FSCN2: variants seen among roughly 807,000 people sequenced by gnomAD.
FSCN2 encodes the protein fascin-2.
Under a neutral mutation model 37.8 loss-of-function variants are expected in FSCN2, and 46 were observed. The ratio of observed to expected loss-of-function variants is 1.22; its 90% CI spans 0.96 to 1.56. The LOEUF is 1.56. Among genes scored for constraint, FSCN2 ranks in the 40% most tolerant of loss-of-function variants. The pLI is 0.00. For missense variants in FSCN2, 844 were observed against 730.4 expected (o/e 1.16, Z -1.79); for synonymous variants, 351 against 309.4 (o/e 1.13, Z -1.41).
Position 81,537,032 on chromosome 17 carries a change from G to A in FSCN2, c.1431G>A (p.Leu477=). The change falls in exon 5 of 5, where the codon CTG becomes CTA. Residue 477 remains leucine, a synonymous_variant. Coordinates refer to ENST00000417245, the MANE Select transcript of FSCN2 (RefSeq NM_012418.4). ...KYLRGGASGL[L]RADADAPAGT... The stretch of plus-strand genomic sequence containing the variant: ...TGCGCGGCGGCGCCTCGGGCCTGCT[G>A]CGGGCCGATGCCGACGCCCCGGCCG... The A allele has an allele frequency of 1.3e-6, 2 of 1,483,188 alleles. No individual in the cohort carries two copies. The highest frequency in any genetic ancestry group is 1.8e-6 in the Non-Finnish European group (2 of 1,124,200). The allele number at this position is 1,483,188 out of a possible 1,614,324, so 91.9% of individuals were successfully genotyped here.
chr17:81,526,599 G>C (rs782451333), upstream of FSCN2, among the ~76,000 whole-genome samples: 1 of 152,220 alleles, frequency 6.6e-6, no homozygotes, highest in Non-Finnish European at 1.5e-5. Context: ...ACTCCAGTTT[G>C]GGTGAGGAGC....
At chr17:81,530,247 C>T (rs1269110808) in intron 1 of FSCN2, 1 of 278,830 alleles carries the variant, frequency 3.6e-6, no homozygotes, top group Admixed American at 5.5e-5. Flanking sequence ...TTAAGGTCAG[C>T]TCCAGTGATG....
chr17:81,536,301 G>C (rs773034533), intron 3 of FSCN2, 34 bp downstream of exon 3: 1 of 1,576,844 alleles, frequency 6.3e-7, no homozygotes, highest in Admixed American at 1.8e-5. Flanking sequence ...CTGGGGCAGG[G>C]GCTGTCTCCA....
At chr17:81,525,425 C>CAAAAAAA (rs1202765459), upstream of FSCN2, among the ~76,000 whole-genome samples, 203 of 47,870 alleles carry the variant, frequency 4.2e-3, 11 homozygotes, top group Non-Finnish European at 6.4e-3. Flanking sequence ...GACTCTGTCT[C>CAAAAAAA]AAAAAAAAAA....
At chr17:81,520,671 G>C in the FSCN2 span, among the ~76,000 whole-genome samples, 1 of 152,210 alleles carries the variant, frequency 6.6e-6, no homozygotes, top group African/African-American at 2.4e-5. Flanking sequence ...TCTCTTGCTG[G>C]CACTGCTGCT....
Position 81,535,072 on chromosome 17 carries a change from C to A in FSCN2, c.847C>A (p.Gln283Lys), listed in dbSNP as rs2032803171. Reference protein sequence around the residue: ...VRQGVNVSANQDDELDHETFL... With the variant: ...VRQGVNVSANKDDELDHETFL... ...TCCAGGGGTCAACGTCTCAGCCAAT[C>A]AGGATGATGAACTAGACCACGAGAC... The change falls in exon 2 of 5, where the codon CAG becomes AAG. Residue 283 changes from glutamine to lysine, a missense_variant. Coordinates refer to ENST00000417245, the MANE Select transcript of FSCN2 (RefSeq NM_012418.4). 1.3e-6 allele frequency: 2 copies of A among 1,532,810 alleles called. No individual in the cohort carries two copies. The highest frequency in any genetic ancestry group is 1.4e-5 in the African/African-American group (1 of 72,970). 95.0% of individuals were successfully genotyped at this position (1,532,810 alleles called of 1,614,324 possible). A position where few individuals can be genotyped will look rare whatever the true frequency, so the allele number is the denominator to read the frequency against.
chr17:81,527,980 C>T (rs369560663), upstream of FSCN2, among the ~76,000 whole-genome samples: 1 of 152,120 alleles, frequency 6.6e-6, no homozygotes, highest in Admixed American at 6.5e-5. Flanking sequence ...GAGGGCCTGG[C>T]GGCCACCGAG....
In FSCN2 at chr17:81,537,093, AC is replaced by A; in HGVS notation, c.*15del. On this transcript the variant is annotated 3_prime_UTR_variant, in exon 5 of 5. Transcript: ENST00000417245. Reference sequence around the variant, plus strand: ...TTGGGAGTACTGAGGCCGCGCCCAGACCAGCCTGTCGCGCATTAAAACCGTG... The same window carrying A: ...TTGGGAGTACTGAGGCCGCGCCCAGACAGCCTGTCGCGCATTAAAACCGTG... 7.1e-7 allele frequency: 1 copy of A among 1,413,526 alleles called. No individual in the cohort carries two copies. Among genetic ancestry groups the A allele is most frequent in the East Asian group, 3.0e-5 (1 of 33,690 alleles). 87.6% of individuals were successfully genotyped at this position (1,413,526 alleles called of 1,614,324 possible).
the FSCN2 span, among the ~76,000 whole-genome samples, chr17:81,521,962 C>T: frequency 6.6e-6 from 1 of 152,182 alleles, no homozygotes; most frequent in African/African-American, 2.4e-5. Context: ...AGTGTGTTTT[C>T]CTCATCTAAT....
upstream of FSCN2, among the ~76,000 whole-genome samples, chr17:81,528,054 G>A (rs1002307280): frequency 6.6e-5 from 10 of 151,920 alleles, no homozygotes; most frequent in Non-Finnish European, 1.2e-4. Flanking sequence ...TTCTACATCC[G>A]GAAGGGCTGG....
the FSCN2 span, among the ~76,000 whole-genome samples, chr17:81,516,657 G>A: frequency 6.6e-6 from 1 of 152,214 alleles, no homozygotes; most frequent in African/African-American, 2.4e-5. Context: ...AAGGGACAAG[G>A]CCAGGGTCCC....
rs767826388 is a variant in FSCN2 at position 81,536,641 on chromosome 17, C to T, written c.1125C>T (p.Thr375=). The T allele has an allele frequency of 3.7e-6, 6 of 1,610,586 alleles. No homozygotes were observed. Among genetic ancestry groups the T allele is most frequent in the South Asian group, 1.1e-5 (1 of 91,012 alleles). ...CGCCAGGCAAGGACGAAGAGTTCACCCTCAAGCTCATCAACCGGCCCATCC... is the reference window on the plus strand; with the variant it reads ...CGCCAGGCAAGGACGAAGAGTTCACTCTCAAGCTCATCAACCGGCCCATCC... ...SDFVGKDEEF[T]LKLINRPILV... The change falls in exon 4 of 5, where the codon ACC becomes ACT. Residue 375 remains threonine (T), a synonymous_variant. Coordinates refer to ENST00000417245, the MANE Select transcript of FSCN2 (RefSeq NM_012418.4).
chr17:81,531,560 G>A (rs1311083855), intron 1 of FSCN2, among the ~76,000 whole-genome samples: 2 of 143,734 alleles, frequency 1.4e-5, no homozygotes, highest in South Asian at 2.3e-4. Context: ...TGGCGATGAT[G>A]GTGATGATAG....
In FSCN2 at chr17:81,531,504, GTGGTGA is replaced by G. The variant is rs1174668285; in HGVS notation, c.826+2159_826+2164del. ...GATGGTGATGATGGTGATGGTGATG[GTGGTGA>G]TGGTGATGGTGGTGATGGCGATGGT... On this transcript the variant is annotated intron_variant, in intron 1 of 4. Transcript: ENST00000417245. Among the ~76,000 whole-genome samples the G allele has an allele frequency of 1.9e-3, 216 of 113,018 alleles. 1 individual carries two copies. Among genetic ancestry groups the G allele is most frequent in the Non-Finnish European group, 2.4e-3 (140 of 58,852 alleles). The allele number at this position is 113,018 out of a possible 152,430, so 74.1% of individuals were successfully genotyped here. A position where few individuals can be genotyped will look rare whatever the true frequency, so the allele number is the denominator to read the frequency against.
chr17:81,519,817 C>T, the FSCN2 span, among the ~76,000 whole-genome samples: 1 of 152,188 alleles, frequency 6.6e-6, no homozygotes, highest in Non-Finnish European at 1.5e-5. Context: ...CTCCTGCGAC[C>T]GAGGACAGGA....
At chr17:81,536,541 G>A (rs778378844) in intron 3 of FSCN2, 81 bp from the exon 4 acceptor site, 17 of 1,575,034 alleles carry the variant, frequency 1.1e-5, no homozygotes, top group African/African-American at 1.3e-5. Flanking sequence ...CAGGTGTGGC[G>A]TTTCCCAGGG....
the FSCN2 span, among the ~76,000 whole-genome samples, chr17:81,517,444 G>A: frequency 6.6e-6 from 1 of 152,216 alleles, no homozygotes; most frequent in Non-Finnish European, 1.5e-5. Flanking sequence ...CAGGAAGTCT[G>A]GGGACAGGAG....
chr17:81,532,374 ATGATAG>A (rs1568079223), intron 1 of FSCN2, among the ~76,000 whole-genome samples: 10 of 129,382 alleles, frequency 7.7e-5, no homozygotes, highest in African/African-American at 2.9e-4. Context: ...GGTGATGGTG[ATGATAG>A]TGATGGCGAT....
the FSCN2 span, among the ~76,000 whole-genome samples, chr17:81,518,874 T>A: frequency 6.6e-6 from 1 of 152,192 alleles, no homozygotes; most frequent in Admixed American, 6.5e-5. Flanking sequence ...GTTACTGCTC[T>A]GGGCGCTGTG....
Sources: allele counts gnomAD v4.1 joint callset (sites outside exome capture counted in the v4.1 genomes callset), GRCh38; gene constraint gnomAD v4.1.1; transcripts MANE v1.5; gene names NCBI Gene and HGNC (gene_info 2026-07-23, HGNC 2026-07-21).